The following UBE2E2 variants were observed in gnomAD, a reference collection of about 807,000 sequenced individuals.
UBE2E2 encodes ubiquitin-conjugating enzyme E2 E2.
In UBE2E2, 6 loss-of-function variants were observed where a neutral mutation model predicts 24.7. The observed-to-expected ratio is 0.24, with a 90% CI of 0.13 to 0.48. UBE2E2 has a LOEUF of 0.48. Among genes scored for constraint, UBE2E2 ranks in the 20% least tolerant of loss-of-function variants. The pLI is 0.99. For synonymous variants in UBE2E2, 104 were observed against 83.6 expected (o/e 1.24, Z -1.33); for missense variants, 169 against 245.0 (o/e 0.69, Z 2.07).
At chr3:23,578,084 TAAAC>T (rs1319584754) in intron 5 of UBE2E2, among the ~76,000 whole-genome samples, 6 of 150,626 alleles carry the variant, frequency 4.0e-5, no homozygotes, top group Admixed American at 6.6e-5. Context: ...ACAAGGAACT[TAAAC>T]AAATTTACAA....
chr3:23,377,409 C>A (rs753012043), intron 3 of UBE2E2, among the ~76,000 whole-genome samples: 3 of 152,122 alleles, frequency 2.0e-5, no homozygotes, highest in African/African-American at 4.8e-5. Flanking sequence ...GGTGCCTGAT[C>A]ATTTTCACAA....
intron 2 of UBE2E2, among the ~76,000 whole-genome samples, chr3:23,209,557 C>A (rs1696260103): frequency 6.6e-6 from 1 of 152,084 alleles, no homozygotes; most frequent in Non-Finnish European, 1.5e-5. Flanking sequence ...CTTTCCTGAT[C>A]CTGTGATTTT....
intron 4 of UBE2E2, among the ~76,000 whole-genome samples, chr3:23,512,442 ACTCCTGAGCTCAACCAGTC>A (rs553310918): frequency 2.7e-5 from 4 of 148,206 alleles, no homozygotes; most frequent in Admixed American, 1.3e-4. Flanking sequence ...CTGATCTCAA[ACTCCTGAGCTCAACCAGTC>A]CTCCTGAGCT....
chr3:23,302,607 A>G (rs1387264426), intron 3 of UBE2E2, among the ~76,000 whole-genome samples: 4 of 152,224 alleles, frequency 2.6e-5, no homozygotes, highest in Non-Finnish European at 5.9e-5. Context: ...GCTGGAAAGT[A>G]GTAGGCATCA....
chr3:23,327,305 T>G (rs1416524229), intron 3 of UBE2E2, among the ~76,000 whole-genome samples: 2 of 152,182 alleles, frequency 1.3e-5, no homozygotes, highest in East Asian at 3.8e-4. Context: ...GTAAAAGTGT[T>G]CCTATTTCTC....
Position 23,309,226 on chromosome 3 carries a change from ATCT to A in UBE2E2, c.227+91918_227+91920del, listed in dbSNP as rs1699312594. On this transcript the variant is annotated intron_variant, in intron 3 of 5. Transcript: ENST00000396703. Reference sequence around the variant, plus strand: ...ACTCCAGGCCTCAACTGGAGTTGTCATCTTCTCTGGAAACATCCTCATAGACAC... The same window carrying A: ...ACTCCAGGCCTCAACTGGAGTTGTCATCTCTGGAAACATCCTCATAGACAC... Among the ~76,000 whole-genome samples, 3 of 152,246 alleles carry A rather than the reference ATCT, an allele frequency of 2.0e-5. No homozygotes were observed. The South Asian group carries it at 6.2e-4, about 32-fold the overall frequency.
chr3:23,587,505 A>G (rs756258549), intron 5 of UBE2E2, among the ~76,000 whole-genome samples: 28 of 152,232 alleles, frequency 1.8e-4, no homozygotes, highest in Non-Finnish European at 3.1e-4. Flanking sequence ...TATAAGTTCT[A>G]TTTAATTAAA....
intron 3 of UBE2E2, among the ~76,000 whole-genome samples, chr3:23,248,517 A>G (rs550881333): frequency 5.9e-5 from 9 of 152,366 alleles, no homozygotes; most frequent in African/African-American, 2.2e-4. Flanking sequence ...TTTGTATGGC[A>G]TTAGAACCGC....
chr3:23,304,526 C>G lies in UBE2E2; in HGVS notation c.227+87214C>G, dbSNP rs771113887. 9.9e-4 allele frequency among the ~76,000 whole-genome samples: 151 copies of G among 152,182 alleles called. No homozygotes were observed. The Middle Eastern group carries it at 0.01, about 10-fold the overall frequency. On this transcript the variant is annotated intron_variant, in intron 3 of 5. Transcript: ENST00000396703. ...AGAGTGGCCTTGTTTACAGTTTTGC[C>G]AGTCTCTTAATGTCTGACTTAACAG...
intron 3 of UBE2E2, among the ~76,000 whole-genome samples, chr3:23,278,776 A>G (rs1483875660): frequency 6.6e-6 from 1 of 152,166 alleles, no homozygotes; most frequent in Admixed American, 6.5e-5. Flanking sequence ...TAGAATAATA[A>G]AAAGAATTGA....
intron 3 of UBE2E2, among the ~76,000 whole-genome samples, chr3:23,450,988 T>C (rs1698549530): frequency 6.6e-6 from 1 of 152,236 alleles, no homozygotes; most frequent in African/African-American, 2.4e-5. Flanking sequence ...TATTGAGCTA[T>C]CACTAAAAGT....
At chr3:23,390,104 C>A (rs543490250) in intron 3 of UBE2E2, among the ~76,000 whole-genome samples, 2 of 152,036 alleles carry the variant, frequency 1.3e-5, no homozygotes, top group African/African-American at 2.4e-5. Context: ...CTTCCAGGAG[C>A]CTGAACTAGT....
chr3:23,390,210 G>A (rs1696901443), intron 3 of UBE2E2, among the ~76,000 whole-genome samples: 1 of 152,134 alleles, frequency 6.6e-6, no homozygotes, highest in Non-Finnish European at 1.5e-5. Flanking sequence ...GGCCCTGAAT[G>A]AGAACAGTTA....
chr3:23,277,328 G>T (rs112127471), intron 3 of UBE2E2, among the ~76,000 whole-genome samples: 6,605 of 152,238 alleles, frequency 0.043, 504 homozygotes, highest in African/African-American at 0.15. Flanking sequence ...ATCGGCTACT[G>T]CCAGATGCTA....
intron 3 of UBE2E2, among the ~76,000 whole-genome samples, chr3:23,341,012 G>C (rs1466240250): frequency 6.6e-6 from 1 of 152,158 alleles, no homozygotes; most frequent in Admixed American, 6.6e-5. Flanking sequence ...TACATCAAAT[G>C]ATCTTTGCCA....
rs1170244732 is a variant in UBE2E2 at position 23,405,929 on chromosome 3, G to C, written c.228-93679G>C. 2.0e-5 allele frequency among the ~76,000 whole-genome samples: 3 copies of C among 152,116 alleles called. No individual in the cohort carries two copies. The East Asian group carries it at 5.8e-4, about 29-fold the overall frequency. On this transcript the variant is annotated intron_variant, in intron 3 of 5. Transcript: ENST00000396703. ...GATGCCATGAATTGGTCACTAAGAAGAATTGACTTTTCCATTGAGTTTCCC... is the reference window on the plus strand; with the variant it reads ...GATGCCATGAATTGGTCACTAAGAACAATTGACTTTTCCATTGAGTTTCCC...
At position 23,499,659 on chromosome 3, in the gene UBE2E2, A is replaced by G; in HGVS notation, c.279A>G (p.Gly93=). 6.2e-7 allele frequency: 1 copy of G among 1,613,854 alleles called. No individual in the cohort carries two copies. The highest frequency in any genetic ancestry group is 1.7e-4 in the Middle Eastern group (1 of 6,056). Reference sequence around the variant, plus strand: ...ATGAATGGAGGTCAACTATATTGGGACCCCCAGGATCTGTCTATGAAGGAG... The same window carrying G: ...ATGAATGGAGGTCAACTATATTGGGGCCCCCAGGATCTGTCTATGAAGGAG... ...NIYEWRSTIL[G]PPGSVYEGGV... The change falls in exon 4 of 6, where the codon GGA becomes GGG. Residue 93 remains glycine, a synonymous_variant. Transcript: ENST00000396703.
chr3:23,286,294 G>A (rs1435779414), intron 3 of UBE2E2, among the ~76,000 whole-genome samples: 1 of 152,000 alleles, frequency 6.6e-6, no homozygotes, highest in African/African-American at 2.4e-5. Context: ...ATTTTTCATG[G>A]TATAATAGTT....
chr3:23,246,741 A>C (rs1039924254), intron 3 of UBE2E2, among the ~76,000 whole-genome samples: 1 of 152,148 alleles, frequency 6.6e-6, no homozygotes, highest in Non-Finnish European at 1.5e-5. Flanking sequence ...AACATTTTAT[A>C]AGTCTTTTGT....
Sources: gnomAD v4.1 joint callset for allele counts (sites outside exome capture counted in the v4.1 genomes callset) on GRCh38, gnomAD v4.1.1 for gene constraint, MANE v1.5 for transcripts, NCBI Gene and HGNC (gene_info 2026-07-23, HGNC 2026-07-21) for gene names.